The following NUDT14 variants were observed in gnomAD, a reference collection of about 807,000 sequenced individuals.
NUDT14 encodes uridine diphosphate glucose pyrophosphatase NUDT14.
A neutral mutation model predicts 17.5 loss-of-function variants in NUDT14; 22 were observed. The ratio of observed to expected loss-of-function variants is 1.26; its 90% CI spans 0.90 to 1.80. NUDT14 has a LOEUF of 1.80. Among genes scored for constraint, NUDT14 ranks in the 40% most tolerant of loss-of-function variants. The probability of loss-of-function intolerance (pLI) is 0.00; values close to 1 mark genes in which losing one functional copy is unlikely to be tolerated. For synonymous variants in NUDT14, 129 were observed against 125.8 expected (o/e 1.03, Z -0.17); for missense variants, 296 against 295.6 (o/e 1.00, Z -0.01).
intron 1 of NUDT14, 132 bp from the exon 2 acceptor site, chr14:105,177,867 C>G (rs1423717479): frequency 1.1e-5 from 8 of 744,128 alleles, no homozygotes; most frequent in Non-Finnish European, 1.8e-5. Context: ...CCACGGGAGC[C>G]AGGAACTGCA....
chr14:105,178,481 C>G (rs1226380510), intron 1 of NUDT14, among the ~76,000 whole-genome samples: 2 of 152,196 alleles, frequency 1.3e-5, no homozygotes, highest in African/African-American at 4.8e-5. Flanking sequence ...CCCCTGCACC[C>G]TGGGTGGCAC....
Position 105,176,591 on chromosome 14 carries a change from C to A in NUDT14, c.371G>T (p.Trp124Leu). The A allele has an allele frequency of 6.2e-7, 1 of 1,612,734 alleles. No individual in the cohort carries two copies. Among genetic ancestry groups the A allele is most frequent in the South Asian group, 1.1e-5 (1 of 91,088 alleles). Residue 124 changes from tryptophan to leucine, a missense_variant, in exon 4 of 5, where the codon TGG (tryptophan) becomes TTG (leucine). Physicochemically the swap from Trp to Leu is moderately conservative, Grantham distance 61. Coordinates refer to ENST00000392568, the MANE Select transcript of NUDT14 (RefSeq NM_177533.5). ...SLEEVACKEA[W>L]EECGYHLAPS... Reference sequence around the variant, plus strand: ...GGCCAAGTGGTAGCCACACTCCTCCCAAGCCTCCTTGCAAGCCACTTCCTC... The same window carrying A: ...GGCCAAGTGGTAGCCACACTCCTCCAAAGCCTCCTTGCAAGCCACTTCCTC...
At chr14:105,176,052 C>T in intron 4 of NUDT14, 1 of 1,193,646 alleles carries the variant, frequency 8.4e-7, no homozygotes, top group Non-Finnish European at 1.1e-6. Flanking sequence ...CCCCAGCTGG[C>T]AGCCCTCGCG....
chr14:105,176,405 AC>A, intron 4 of NUDT14, 128 bp downstream of exon 4: 1 of 823,214 alleles, frequency 1.2e-6, no homozygotes. Context: ...ATTCGGTCCA[AC>A]CCTCCCCTAA....
intron 4 of NUDT14, chr14:105,176,053 A>G: frequency 8.5e-7 from 1 of 1,171,200 alleles, no homozygotes; most frequent in Non-Finnish European, 1.1e-6. Flanking sequence ...CCCAGCTGGC[A>G]GCCCTCGCGG....
Position 105,173,264 on chromosome 14 carries a change from A to G in NUDT14, c.429-3T>C, listed in dbSNP as rs1046632538. ...AGCCAGTCAGTCCCACTCCAGACCT[A>G]CGGGTTGAGACAGGGTCTGCTGAGT... On this transcript the variant is annotated splice_polypyrimidine_tract_variant and splice_region_variant and intron_variant, in intron 4 of 4. Coordinates refer to ENST00000392568, the MANE Select transcript of NUDT14 (RefSeq NM_177533.5). The surrounding 1 kb of genome is among the most constrained non-coding windows in gnomAD (Gnocchi z 4.7). 9.2e-6 allele frequency: 14 copies of G among 1,519,766 alleles called. No individual in the cohort carries two copies. Among genetic ancestry groups the G allele is most frequent in the South Asian group, 1.3e-5 (1 of 76,308 alleles). 94.1% of individuals were successfully genotyped at this position (1,519,766 alleles called of 1,614,324 possible). A position where few individuals can be genotyped will look rare whatever the true frequency, so the allele number is the denominator to read the frequency against.
At chr14:105,176,863 T>C in intron 3 of NUDT14, 92 bp from the exon 4 acceptor site, 1 of 1,549,084 alleles carries the variant, frequency 6.5e-7, no homozygotes, top group Non-Finnish European at 8.9e-7. Flanking sequence ...GGGCCTCAGC[T>C]TCCCCTGGAG....
At chr14:105,175,887 A>C in intron 4 of NUDT14, 2 of 1,169,000 alleles carry the variant, frequency 1.7e-6, no homozygotes, top group Non-Finnish European at 2.2e-6. Flanking sequence ...CCTCTGGAGG[A>C]GGCTGTGGAG....
Position 105,177,024 on chromosome 14 carries a change from C to A in NUDT14, c.129G>T (p.Val43=). 1.2e-6 allele frequency: 2 copies of A among 1,611,582 alleles called. No individual in the cohort carries two copies. Among genetic ancestry groups the A allele is most frequent in the South Asian group, 2.2e-5 (2 of 90,846 alleles). Residue 43 remains valine (V), a synonymous_variant, in exon 3 of 5, where the codon GTG becomes GTT. Transcript: ENST00000392568. ...SWDFMKTHDS[V]TVLLFNSSRR... ...GAGAAGAGTTGAATAAGAGAACGGT[C>A]ACGCTGTGTACGGGGGGAGGGGCTC...
chr14:105,172,972 G>C lies in NUDT14; in HGVS notation c.*49C>G, dbSNP rs1370302599. The C allele has an allele frequency of 2.1e-6, 3 of 1,460,260 alleles. No individual in the cohort carries two copies. Among genetic ancestry groups the C allele is most frequent in the Non-Finnish European group, 2.7e-6 (3 of 1,106,324 alleles). 90.5% of individuals were successfully genotyped at this position (1,460,260 alleles called of 1,614,324 possible). ...TGCAAGCCTTTATTGGGGTCCGCGGGGTGTGGGGTGAGTGGCCAAGACTGG... is the reference window on the plus strand; with the variant it reads ...TGCAAGCCTTTATTGGGGTCCGCGGCGTGTGGGGTGAGTGGCCAAGACTGG... On this transcript the variant is annotated 3_prime_UTR_variant, in exon 5 of 5. Transcript: ENST00000392568.
chr14:105,177,006 G>A lies in NUDT14; in HGVS notation c.147C>T (p.Asn49=), dbSNP rs1889228949. ...THDSVTVLLF[N]SSRRSLVLVK... is the part of the protein sequence containing the mutation. ...CCAACACCAGGCTCCTCCGAGAAGA[G>A]TTGAATAAGAGAACGGTCACGCTGT... The change falls in exon 3 of 5, where the codon AAC becomes AAT. Residue 49 remains asparagine, a synonymous_variant. Coordinates refer to ENST00000392568, the MANE Select transcript of NUDT14 (RefSeq NM_177533.5). 6.2e-7 allele frequency: 1 copy of A among 1,612,092 alleles called. No individual in the cohort carries two copies. Among genetic ancestry groups the A allele is most frequent in the Non-Finnish European group, 8.5e-7 (1 of 1,179,810 alleles).
rs374593034 is a variant in NUDT14 at position 105,177,691 on chromosome 14, C to T, written c.125+1G>A. 1.2e-6 allele frequency: 2 copies of T among 1,612,356 alleles called. No homozygotes were observed. The highest frequency in any genetic ancestry group is 1.7e-6 in the Non-Finnish European group (2 of 1,179,702). ...GTGGCCAGGCTGGGCCAGGCTCTCA[C>T]CTGTCATGCGTCTTCATGAAGTCCC... On this transcript the variant is annotated splice_donor_variant, in intron 2 of 4. Coordinates refer to ENST00000392568, the MANE Select transcript of NUDT14 (RefSeq NM_177533.5). LOFTEE classifies it high-confidence loss of function.
intron 1 of NUDT14, among the ~76,000 whole-genome samples, chr14:105,179,806 G>A (rs781624618): frequency 9.2e-5 from 14 of 152,228 alleles, no homozygotes; most frequent in South Asian, 2.1e-4. Context: ...CAGGACTCCC[G>A]CAACAGGGAA....
Position 105,181,084 on chromosome 14 carries a change from C to T in NUDT14, c.81+45G>A. 1 of 642,356 alleles carries T rather than the reference C, an allele frequency of 1.6e-6. No individual in the cohort carries two copies. Among genetic ancestry groups the T allele is most frequent in the Non-Finnish European group, 2.0e-6 (1 of 508,926 alleles). The allele number at this position is 642,356 out of a possible 1,614,324, so 39.8% of individuals were successfully genotyped here. On this transcript the variant is annotated intron_variant, in intron 1 of 4. Coordinates refer to ENST00000392568, the MANE Select transcript of NUDT14 (RefSeq NM_177533.5). This position sits in a 1 kb window ranked among gnomAD's most constrained non-coding sequence, Gnocchi z 5.0. ...GGTGGGCGGGGCGCGGGTCGTGGGC[C>T]GGGCCGCCGGCGGGGGCGCGGGGGA...
intron 2 of NUDT14, chr14:105,177,318 C>T: frequency 1.7e-6 from 1 of 575,976 alleles, no homozygotes. Flanking sequence ...GCAGCTGAGG[C>T]CGGGTGACTG....
chr14:105,176,917 C>CTGAA, intron 3 of NUDT14, 46 bp downstream of exon 3: 1 of 1,594,724 alleles, frequency 6.3e-7, no homozygotes, highest in Non-Finnish European at 8.6e-7. Context: ...CCACAGGGAC[C>CTGAA]TGAAGGTGAC....
Position 105,173,342 on chromosome 14 carries a change from C to T in NUDT14, c.429-81G>A, listed in dbSNP as rs1889145182. ...GGCCCTTCTACCACCCTCCAACCCA[C>T]CCTCTCCACTCTGCTCCCTCCAGCC... On this transcript the variant is annotated intron_variant, in intron 4 of 4. Coordinates refer to ENST00000392568, the MANE Select transcript of NUDT14 (RefSeq NM_177533.5). The surrounding 1 kb of genome is among the most constrained non-coding windows in gnomAD (Gnocchi z 4.7). The T allele has an allele frequency of 7.2e-7, 1 of 1,391,772 alleles. No homozygotes were observed. The highest frequency in any genetic ancestry group is 1.7e-5 in the South Asian group (1 of 58,184). The allele number at this position is 1,391,772 out of a possible 1,614,324, so 86.2% of individuals were successfully genotyped here.
At chr14:105,174,184 G>A (rs1192139258) in intron 4 of NUDT14, among the ~76,000 whole-genome samples, 1 of 152,182 alleles carries the variant, frequency 6.6e-6, no homozygotes, top group Non-Finnish European at 1.5e-5. Context: ...GCCAGAAGGG[G>A]GCTGCTGGCA....
intron 2 of NUDT14, 169 bp from the exon 3 acceptor site, chr14:105,177,196 C>T: frequency 3.0e-6 from 2 of 670,792 alleles, no homozygotes; most frequent in Middle Eastern, 2.4e-4. Context: ...GGGACCAGAG[C>T]TTTCCAGGGT....
Sources: gnomAD v4.1 joint callset for allele counts (sites outside exome capture counted in the v4.1 genomes callset) on GRCh38, gnomAD v4.1.1 for gene constraint, Gnocchi (gnomAD v3.1) non-coding constraint, MANE v1.5 for transcripts, NCBI Gene and HGNC (gene_info 2026-07-23, HGNC 2026-07-21) for gene names.